Variants in IMMP2L observed in about 807,000 individuals in gnomAD.
The protein encoded by IMMP2L is mitochondrial inner membrane protease subunit 2.
A neutral mutation model predicts 19.3 loss-of-function variants in IMMP2L; 18 were observed. The ratio of observed to expected loss-of-function variants is 0.93; its 90% CI spans 0.64 to 1.38. The LOEUF is 1.38. IMMP2L is among the 40% of genes most tolerant of loss of function. IMMP2L has a pLI of 0.00. For synonymous variants in IMMP2L, 76 were observed against 73.0 expected (o/e 1.04, Z -0.21); for missense variants, 233 against 218.2 (o/e 1.07, Z -0.43).
chr7:111,541,536 T>C (rs551033362), intron 1 of IMMP2L, among the ~76,000 whole-genome samples: 1 of 152,318 alleles, frequency 6.6e-6, no homozygotes, highest in East Asian at 1.9e-4. Context: ...GTTGTTTTCA[T>C]CTTAAACGGC....
At chr7:111,281,156 CAGAAAGAAAGAA>C (rs1157660179) in intron 3 of IMMP2L, among the ~76,000 whole-genome samples, 8,670 of 66,792 alleles carry the variant, frequency 0.13, 493 homozygotes, top group Non-Finnish European at 0.16. Flanking sequence ...GACAGAAAGA[CAGAAAGAAAGAA>C]AGAAAGAAAG....
chr7:110,875,933 CA>C (rs1467194176), intron 5 of IMMP2L, among the ~76,000 whole-genome samples: 3 of 151,910 alleles, frequency 2.0e-5, no homozygotes, highest in Non-Finnish European at 4.4e-5. Flanking sequence ...TTTAAATTGA[CA>C]ATATCAATAT....
At chr7:110,797,507 T>C (rs947279185) in intron 5 of IMMP2L, among the ~76,000 whole-genome samples, 4 of 152,064 alleles carry the variant, frequency 2.6e-5, no homozygotes, top group African/African-American at 9.7e-5. Context: ...ATTCATCTTA[T>C]GTTGAAACAT....
rs1302557876 is a variant in IMMP2L, at chr7:111,535,312, T to TGAAG, written c.-2-13867_-2-13864dup. 6.3e-5 allele frequency among the ~76,000 whole-genome samples: 9 copies of TGAAG among 143,344 alleles called. No homozygotes were observed. In the South Asian group the frequency reaches 2.0e-3, roughly 32 times the overall value. 94.0% of individuals were successfully genotyped at this position (143,344 alleles called of 152,430 possible). A position where few individuals can be genotyped will look rare whatever the true frequency, so the allele number is the denominator to read the frequency against. On this transcript the variant is annotated intron_variant, in intron 1 of 5. Transcript: ENST00000405709. ...AAAAAAAGGAAGCAAAAAGGAGAAA[T>TGAAG]GAAGGAAGGGAGGGAAGGAAAGAAA...
intron 3 of IMMP2L, among the ~76,000 whole-genome samples, chr7:111,445,856 T>C (rs1249614478): frequency 1.3e-5 from 2 of 149,712 alleles, no homozygotes; most frequent in Non-Finnish European, 3.0e-5. Context: ...GCGCGCACCG[T>C]GCGTGAGCCG....
intron 3 of IMMP2L, among the ~76,000 whole-genome samples, chr7:111,139,220 C>T (rs1174555632): frequency 6.6e-6 from 1 of 152,006 alleles, no homozygotes; most frequent in Non-Finnish European, 1.5e-5. Flanking sequence ...TAAATTAAGA[C>T]ACCATTTTAA....
chr7:111,295,882 A>T (rs1821575938), intron 3 of IMMP2L, among the ~76,000 whole-genome samples: 1 of 151,558 alleles, frequency 6.6e-6, no homozygotes, highest in Admixed American at 6.6e-5. Flanking sequence ...CTCTAAATGG[A>T]TTTTATACCC....
At chr7:110,715,656 G>C (rs563138247) in intron 5 of IMMP2L, among the ~76,000 whole-genome samples, 4 of 151,966 alleles carry the variant, frequency 2.6e-5, no homozygotes, top group Non-Finnish European at 4.4e-5. Context: ...CAGCTTTTTT[G>C]AATTTATTAA....
intron 5 of IMMP2L, among the ~76,000 whole-genome samples, chr7:110,866,634 T>C (rs1808008823): frequency 6.6e-6 from 1 of 152,138 alleles, no homozygotes; most frequent in Non-Finnish European, 1.5e-5. Flanking sequence ...TCTTAAAAAG[T>C]ATTCCACGCT....
intron 3 of IMMP2L, among the ~76,000 whole-genome samples, chr7:111,017,685 C>G (rs944227679): frequency 2.0e-5 from 3 of 152,064 alleles, no homozygotes; most frequent in African/African-American, 7.2e-5. Flanking sequence ...TTGGTTTTGA[C>G]CCTTTGTGTT....
intron 3 of IMMP2L, among the ~76,000 whole-genome samples, chr7:111,347,806 T>C (rs1827723438): frequency 6.6e-6 from 1 of 152,078 alleles, no homozygotes; most frequent in African/African-American, 2.4e-5. Flanking sequence ...CAAGGCCCAA[T>C]TCCATTGTGT....
At chr7:111,144,343 A>G (rs1345355565) in intron 3 of IMMP2L, among the ~76,000 whole-genome samples, 1 of 152,184 alleles carries the variant, frequency 6.6e-6, no homozygotes, top group Non-Finnish European at 1.5e-5. Flanking sequence ...CTAGGAACAT[A>G]GCAGTGAGCA....
In IMMP2L at chr7:111,076,384, G is replaced by A. The variant is rs180802395; in HGVS notation, c.240-112819C>T. Among the ~76,000 whole-genome samples the A allele has an allele frequency of 3.9e-5, 6 of 152,278 alleles. No homozygotes were observed. The East Asian group carries it at 1.2e-3, about 29-fold the overall frequency. ...ACATTGAAAGCTGTGATCTATGGTTGGTAACATTTTTGTGGAGGTTTGGAT... is the reference window on the plus strand; with the variant it reads ...ACATTGAAAGCTGTGATCTATGGTTAGTAACATTTTTGTGGAGGTTTGGAT... On this transcript the variant is annotated intron_variant, in intron 3 of 5. Transcript: ENST00000405709.
intron 4 of IMMP2L, among the ~76,000 whole-genome samples, chr7:110,896,049 T>A (rs1299074062): frequency 6.6e-6 from 1 of 152,150 alleles, no homozygotes; most frequent in South Asian, 2.1e-4. Context: ...CTTGAACTCC[T>A]AGCCTCTAAT....
rs1434022518 is a variant in IMMP2L, at chr7:111,123,059, G to A, written c.240-159494C>T. 6.2e-7 allele frequency: 1 copy of A among 1,613,616 alleles called. No homozygotes were observed. The highest frequency in any genetic ancestry group is 1.7e-5 in the Admixed American group (1 of 59,894). ...ACAGACTTTCCAGTAAACCTTACTGGCCTGGATTTATCTCAAAACAATTTA... is the reference window on the plus strand; with the variant it reads ...ACAGACTTTCCAGTAAACCTTACTGACCTGGATTTATCTCAAAACAATTTA... On this transcript the variant is annotated intron_variant, in intron 3 of 5. Transcript: ENST00000405709. The surrounding 1 kb of genome is among the most constrained non-coding windows in gnomAD (Gnocchi z 6.4).
rs545701448 is a variant in IMMP2L at position 111,316,201 on chromosome 7, T to C, written c.239+171037A>G. Among the ~76,000 whole-genome samples the C allele has an allele frequency of 1.1e-4, 16 of 152,252 alleles. No individual in the cohort carries two copies. In the South Asian group the frequency reaches 2.1e-3, roughly 20 times the overall value. ...CTGACATTATGCAGTGGCACATGGC[T>C]GTATCTGAGAGTAGACAGGAATTAC... On this transcript the variant is annotated intron_variant, in intron 3 of 5. Coordinates refer to ENST00000405709, the MANE Select transcript of IMMP2L (RefSeq NM_032549.4).
rs1798824568 is a variant in IMMP2L at position 111,108,675 on chromosome 7, T to A, written c.240-145110A>T. Among the ~76,000 whole-genome samples, 3 of 152,160 alleles carry A rather than the reference T, an allele frequency of 2.0e-5. No individual in the cohort carries two copies. The South Asian group carries it at 6.2e-4, about 32-fold the overall frequency. On this transcript the variant is annotated intron_variant, in intron 3 of 5. Transcript: ENST00000405709. The stretch of plus-strand genomic sequence containing the variant: ...TCTAAAGTGGGTATTGTTACACTTT[T>A]GTAATCTCCTGAATTTAAAAAAAAC...
At chr7:111,337,990 A>G (rs1384840709) in intron 3 of IMMP2L, among the ~76,000 whole-genome samples, 1 of 152,180 alleles carries the variant, frequency 6.6e-6, no homozygotes, top group African/African-American at 2.4e-5. Flanking sequence ...GAGTTAAAAC[A>G]CACATAAAAG....
chr7:110,688,385 A>C (rs1414930924), intron 5 of IMMP2L, among the ~76,000 whole-genome samples: 32 of 152,132 alleles, frequency 2.1e-4, no homozygotes, highest in Admixed American at 2.1e-3. Flanking sequence ...GCTAGGAACA[A>C]CAAACTGCTA....
Sources: gnomAD v4.1 joint callset for allele counts (sites outside exome capture counted in the v4.1 genomes callset) on GRCh38, gnomAD v4.1.1 for gene constraint, Gnocchi (gnomAD v3.1) non-coding constraint, MANE v1.5 for transcripts, NCBI Gene and HGNC (gene_info 2026-07-23, HGNC 2026-07-21) for gene names.